Variants in STK39 observed in about 807,000 individuals in gnomAD.
STK39 encodes serine/threonine kinase 39.
Under a neutral mutation model 77.8 loss-of-function variants are expected in STK39, and 20 were observed. The ratio of observed to expected loss-of-function variants is 0.26; its 90% CI spans 0.18 to 0.37. The LOEUF (loss-of-function observed/expected upper bound fraction) is 0.37. Among genes scored for constraint, STK39 ranks in the 10% least tolerant of loss-of-function variants. The probability of loss-of-function intolerance (pLI) is 1.00; values close to 1 mark genes in which losing one functional copy is unlikely to be tolerated. For missense variants in STK39, 479 were observed against 656.5 expected, an observed-to-expected ratio of 0.73 and a Z score of 2.95; for synonymous variants, 246 against 234.1, an observed-to-expected ratio of 1.05 and a Z score of -0.47.
At chr2:168,199,490 T>A (rs1559143052) in intron 1 of STK39, among the ~76,000 whole-genome samples, 1 of 152,146 alleles carries the variant, frequency 6.6e-6, no homozygotes, top group Non-Finnish European at 1.5e-5. Flanking sequence ...AATTCCATGA[T>A]AAATTACTTT....
intron 1 of STK39, among the ~76,000 whole-genome samples, chr2:168,192,297 G>A (rs1231092978): frequency 6.6e-6 from 1 of 152,052 alleles, no homozygotes; most frequent in Non-Finnish European, 1.5e-5. Flanking sequence ...ATTCTAGGAA[G>A]GTCTATCTGG....
intron 1 of STK39, among the ~76,000 whole-genome samples, chr2:168,217,017 G>C (rs1330925889): frequency 6.6e-6 from 1 of 152,230 alleles, no homozygotes; most frequent in African/African-American, 2.4e-5. Context: ...GACATGCTCT[G>C]TTGGGAAAAG....
intron 1 of STK39, among the ~76,000 whole-genome samples, chr2:168,208,565 C>T (rs1217538946): frequency 1.3e-5 from 2 of 152,228 alleles, no homozygotes; most frequent in African/African-American, 4.8e-5. Context: ...CTGTACATAA[C>T]ATCTTTCACA....
intron 14 of STK39, among the ~76,000 whole-genome samples, chr2:168,060,071 A>C (rs1685623901): frequency 6.6e-6 from 1 of 152,184 alleles, no homozygotes; most frequent in Non-Finnish European, 1.5e-5. Context: ...AAAAAGTAAT[A>C]CTGTTTAACT....
chr2:168,110,400 T>C (rs896230661), intron 10 of STK39, among the ~76,000 whole-genome samples: 1 of 152,052 alleles, frequency 6.6e-6, no homozygotes, highest in Non-Finnish European at 1.5e-5. Context: ...GCCTGGCTAA[T>C]TTTTTATTTT....
At chr2:168,226,660 T>TA (rs1272427462) in intron 1 of STK39, among the ~76,000 whole-genome samples, 8 of 151,584 alleles carry the variant, frequency 5.3e-5, no homozygotes, top group African/African-American at 1.9e-4. Context: ...CTCCTGACCT[T>TA]AGATATTTTA....
intron 1 of STK39, among the ~76,000 whole-genome samples, chr2:168,227,844 A>G (rs1266070475): frequency 1.4e-5 from 2 of 143,348 alleles, no homozygotes; most frequent in Admixed American, 6.9e-5. Flanking sequence ...TTTTTAGTAG[A>G]GATGGGGTTT....
intron 8 of STK39, among the ~76,000 whole-genome samples, chr2:168,134,080 C>A (rs1452830409): frequency 6.6e-6 from 1 of 152,168 alleles, no homozygotes; most frequent in South Asian, 2.1e-4. Flanking sequence ...AGCACAGTCA[C>A]GTCTTACATG....
At chr2:168,174,721 G>A (rs1372293286) in intron 2 of STK39, among the ~76,000 whole-genome samples, 1 of 151,418 alleles carries the variant, frequency 6.6e-6, no homozygotes, top group African/African-American at 2.4e-5. Flanking sequence ...TAGATGGCCG[G>A]CCTGGTAGCA....
rs1309787152 is a variant in STK39, at chr2:168,140,319, T to C, written c.810A>G (p.Ala270=). 11 of 1,613,972 alleles carry C rather than the reference T, an allele frequency of 6.8e-6. No homozygotes were observed. Among genetic ancestry groups the C allele is most frequent in the Non-Finnish European group, 8.5e-6 (10 of 1,179,950 alleles). ...TGGGAGGATATTTGTGATAAGGCGC[T>C]GCTCCTGTTGCTAATTCAATGGCAG... The part of the protein sequence containing the change: ...GITAIELATG[A]APYHKYPPMK... Residue 270 remains alanine (A), a synonymous_variant, in exon 7 of 18, where the codon GCA becomes GCG. Transcript: ENST00000355999.
intron 17 of STK39, among the ~76,000 whole-genome samples, chr2:167,956,733 C>A (rs1314956672): frequency 6.5e-5 from 4 of 61,692 alleles, no homozygotes; most frequent in African/African-American, 3.1e-4. Flanking sequence ...CTCTCTCCCC[C>A]CCCGCCCCCT....
intron 16 of STK39, among the ~76,000 whole-genome samples, chr2:167,980,337 C>T (rs1476795096): frequency 1.3e-5 from 2 of 152,126 alleles, no homozygotes; most frequent in Non-Finnish European, 2.9e-5. Flanking sequence ...CATAACTTCC[C>T]AGGATCAACT....
chr2:167,982,615 C>G (rs561205032), intron 16 of STK39, among the ~76,000 whole-genome samples: 1 of 152,326 alleles, frequency 6.6e-6, no homozygotes, highest in African/African-American at 2.4e-5. Flanking sequence ...TACAAGGGAG[C>G]TAGACTGAGG....
intron 10 of STK39, among the ~76,000 whole-genome samples, chr2:168,122,714 A>G (rs1400584289): frequency 1.3e-5 from 2 of 152,220 alleles, no homozygotes; most frequent in African/African-American, 4.8e-5. Flanking sequence ...TGGGATTACA[A>G]GTGTGAGCCA....
intron 14 of STK39, among the ~76,000 whole-genome samples, chr2:168,025,741 C>A (rs1302444718): frequency 6.6e-6 from 1 of 152,158 alleles, no homozygotes; most frequent in African/African-American, 2.4e-5. Context: ...ACAGAAGGAA[C>A]CTACAAATGA....
intron 5 of STK39, among the ~76,000 whole-genome samples, chr2:168,151,911 T>C (rs6721678): frequency 0.25 from 38,507 of 152,048 alleles, 7,020 homozygotes; most frequent in African/African-American, 0.5. Flanking sequence ...AGTTGACTGA[T>C]ACAGTCAATT....
At chr2:167,962,377 C>T (rs574105167) in intron 17 of STK39, among the ~76,000 whole-genome samples, 1 of 152,282 alleles carries the variant, frequency 6.6e-6, no homozygotes, top group African/African-American at 2.4e-5. Context: ...ATTAGCTCTG[C>T]CAAGTGGATC....
chr2:168,218,298 T>A (rs1042849333), intron 1 of STK39, among the ~76,000 whole-genome samples: 1 of 152,200 alleles, frequency 6.6e-6, no homozygotes, highest in Non-Finnish European at 1.5e-5. Context: ...AAGTAACTTG[T>A]AAAGAACCAC....
chr2:168,207,415 T>A (rs576494781), intron 1 of STK39, among the ~76,000 whole-genome samples: 2 of 152,314 alleles, frequency 1.3e-5, no homozygotes, highest in South Asian at 4.1e-4. Flanking sequence ...TCCACCCTTA[T>A]GTCTCATTTT....
Sources: gnomAD v4.1 joint callset for allele counts (sites outside exome capture counted in the v4.1 genomes callset) on GRCh38, gnomAD v4.1.1 for gene constraint, MANE v1.5 for transcripts, NCBI Gene and HGNC (gene_info 2026-07-23, HGNC 2026-07-21) for gene names.